CFAP91: variants seen among roughly 807,000 people sequenced by gnomAD.
CFAP91 encodes cilia- and flagella-associated protein 91.
CFAP91 carries 85 observed loss-of-function variants against 95.9 expected under a neutral mutation model. That is an observed-to-expected ratio of 0.89 (90% CI 0.74 to 1.06). The LOEUF is 1.06. CFAP91 is among the 50% of genes least tolerant of loss of function. The probability of loss-of-function intolerance (pLI) is 0.00; values close to 1 mark genes in which losing one functional copy is unlikely to be tolerated. For missense variants in CFAP91, 962 were observed against 943.4 expected (o/e 1.02, Z -0.26); for synonymous variants, 335 against 327.5 (o/e 1.02, Z -0.25).
chr3:119,715,193 A>G (rs1031545983), intron 5 of CFAP91, among the ~76,000 whole-genome samples: 5 of 152,182 alleles, frequency 3.3e-5, no homozygotes, highest in African/African-American at 1.2e-4. Context: ...GTGGTATGGA[A>G]CTGAAACAAA....
chr3:119,753,528 A>G (rs1466797416), intron 17 of CFAP91, among the ~76,000 whole-genome samples: 3 of 152,300 alleles, frequency 2.0e-5, no homozygotes, highest in African/African-American at 2.4e-5. Flanking sequence ...CTAGACCTCT[A>G]TTTTCACAAT....
At chr3:119,737,132 C>A (rs1003113743) in intron 10 of CFAP91, among the ~76,000 whole-genome samples, 5 of 152,092 alleles carry the variant, frequency 3.3e-5, no homozygotes, top group Non-Finnish European at 5.9e-5. Flanking sequence ...CTCAAGCTGA[C>A]CTAGCATCAC....
At chr3:119,718,451 G>T (rs1033037955) in intron 6 of CFAP91, among the ~76,000 whole-genome samples, 5 of 152,100 alleles carry the variant, frequency 3.3e-5, no homozygotes, top group African/African-American at 1.2e-4. Flanking sequence ...AGAGCTGTGG[G>T]GGCTAGGACA....
intron 16 of CFAP91, among the ~76,000 whole-genome samples, chr3:119,748,439 T>A (rs2054265260): frequency 6.6e-6 from 1 of 152,156 alleles, no homozygotes; most frequent in South Asian, 2.1e-4. Flanking sequence ...TTTTAGTCAA[T>A]AGAGAAAGAG....
chr3:119,724,123 G>A (rs558191901), intron 6 of CFAP91, among the ~76,000 whole-genome samples: 6 of 147,852 alleles, frequency 4.1e-5, no homozygotes, highest in Admixed American at 2.7e-4. Flanking sequence ...AGCCGAGATC[G>A]TGCCATTGCA....
chr3:119,730,477 C>A, intron 8 of CFAP91, 100 bp downstream of exon 8: 1 of 1,239,316 alleles, frequency 8.1e-7, no homozygotes, highest in Non-Finnish European at 1.1e-6. Context: ...CTGTTTTGGT[C>A]CTGGGAATCA....
intron 6 of CFAP91, among the ~76,000 whole-genome samples, chr3:119,723,009 T>A (rs2053716300): frequency 6.6e-6 from 1 of 152,198 alleles, no homozygotes; most frequent in South Asian, 2.1e-4. Flanking sequence ...GTAGTTCTAA[T>A]CCAGATTCCC....
intron 3 of CFAP91, among the ~76,000 whole-genome samples, chr3:119,708,264 C>CAAAAA (rs11346330): frequency 2.7e-5 from 3 of 111,862 alleles, no homozygotes; most frequent in Non-Finnish European, 5.7e-5. Flanking sequence ...GACTCTGTCT[C>CAAAAA]AAAAAAAAAA....
chr3:119,719,972 G>A (rs1296205279), intron 6 of CFAP91, among the ~76,000 whole-genome samples: 1 of 151,966 alleles, frequency 6.6e-6, no homozygotes, highest in Non-Finnish European at 1.5e-5. Flanking sequence ...ACGTGGTGGT[G>A]GGTGCCTGTA....
chr3:119,763,303 C>A (rs1344037127), intron 17 of CFAP91, among the ~76,000 whole-genome samples: 1 of 151,762 alleles, frequency 6.6e-6, no homozygotes, highest in African/African-American at 2.4e-5. Context: ...TGGCTATTAT[C>A]AAAAAGACAA....
chr3:119,730,172 CTGTT>C, intron 7 of CFAP91, 44 bp from the exon 8 acceptor site: 2 of 1,578,134 alleles, frequency 1.3e-6, no homozygotes, highest in Non-Finnish European at 1.7e-6. Context: ...CCCTTGCCCT[CTGTT>C]TGAGATGCCA....
At position 119,739,264 on chromosome 3, in the gene CFAP91, G is replaced by C. The variant is rs764922877; in HGVS notation, c.1471G>C (p.Glu491Gln). The change falls in exon 12 of 18, where the codon GAA (glutamate) becomes CAA (glutamine). Residue 491 changes from glutamate to glutamine, a missense_variant. Glu to Gln is a conservative substitution (Grantham distance 29, BLOSUM62 2). Transcript: ENST00000273390. Reference sequence around the variant, plus strand: ...CCCTTTGTTCTTTTAGGAAGAAGAAGAAATGGAAATGGCTGTGATCTACCT... The same window carrying C: ...CCCTTTGTTCTTTTAGGAAGAAGAACAAATGGAAATGGCTGTGATCTACCT... ...TLEMTSNEEE[E>Q]MEMAVIYLQK... 9.3e-6 allele frequency: 15 copies of C among 1,613,910 alleles called. No homozygotes were observed. The East Asian group carries it at 3.1e-4, about 34-fold the overall frequency.
intron 3 of CFAP91, 120 bp from the exon 4 acceptor site, chr3:119,708,471 A>T: frequency 7.5e-6 from 5 of 664,512 alleles, no homozygotes; most frequent in Non-Finnish European, 1.3e-5. Context: ...GTTATGGAAG[A>T]CTTTACTCTC....
intron 13 of CFAP91, among the ~76,000 whole-genome samples, chr3:119,741,280 T>C (rs116255220): frequency 0.015 from 2,342 of 152,286 alleles, 43 homozygotes; most frequent in African/African-American, 0.039. Flanking sequence ...TCCATTTTTT[T>C]CCCCAAATAT....
Position 119,766,105 on chromosome 3 carries a change from A to G in CFAP91, c.*1055A>G, listed in dbSNP as rs949670002. The G allele has an allele frequency of 2.0e-5, 3 of 152,224 alleles. No homozygotes were observed. The highest frequency in any genetic ancestry group is 7.2e-5 in the African/African-American group (3 of 41,468). 9.4% of individuals were successfully genotyped at this position (152,224 alleles called of 1,614,324 possible). On this transcript the variant is annotated 3_prime_UTR_variant, in exon 18 of 18. Transcript: ENST00000273390. The stretch of plus-strand genomic sequence containing the variant: ...ACACATTCATTTGGATGCAGTGAAA[A>G]GGGCAGAAATACCACAGCAGAGAAT...
chr3:119,730,419 G>T (rs371576235), intron 8 of CFAP91, 42 bp downstream of exon 8: 110 of 1,582,536 alleles, frequency 7.0e-5, no homozygotes, highest in Non-Finnish European at 9.0e-5. Context: ...GGAAAAGTGG[G>T]CTTTGCTTTG....
intron 14 of CFAP91, among the ~76,000 whole-genome samples, chr3:119,744,659 A>C (rs2054189017): frequency 6.6e-6 from 1 of 152,184 alleles, no homozygotes; most frequent in Admixed American, 6.5e-5. Flanking sequence ...GTGAGGTAGG[A>C]AAGTTGAGAG....
At chr3:119,729,643 C>CA (rs1268200531) in intron 7 of CFAP91, among the ~76,000 whole-genome samples, 1,844 of 110,246 alleles carry the variant, frequency 0.017, 29 homozygotes, top group African/African-American at 0.051. Context: ...GACTCTGTCT[C>CA]AAAAAAAAAA....
At chr3:119,728,228 G>A (rs570733436) in intron 7 of CFAP91, among the ~76,000 whole-genome samples, 18 of 152,250 alleles carry the variant, frequency 1.2e-4, no homozygotes, top group African/African-American at 4.1e-4. Context: ...CTTACTATGT[G>A]CCAGATGATG....
Sources: allele counts gnomAD v4.1 joint callset (sites outside exome capture counted in the v4.1 genomes callset), GRCh38; gene constraint gnomAD v4.1.1; transcripts MANE v1.5; gene names NCBI Gene and HGNC (gene_info 2026-07-23, HGNC 2026-07-21).